TBC1D31: variants seen among roughly 807,000 people sequenced by gnomAD.
The protein encoded by TBC1D31 is TBC1 domain family member 31, also known as WD repeat domain 67.
Under a neutral mutation model 132.9 loss-of-function variants are expected in TBC1D31, and 99 were observed. The ratio of observed to expected loss-of-function variants is 0.74; its 90% CI spans 0.63 to 0.88. The LOEUF is 0.88. Among genes scored for constraint, TBC1D31 ranks in the 40% least tolerant of loss-of-function variants. The probability of loss-of-function intolerance (pLI) is 0.00; values close to 1 mark genes in which losing one functional copy is unlikely to be tolerated. For synonymous variants in TBC1D31, 385 were observed against 419.4 expected (o/e 0.92, Z 1.00); for missense variants, 1,134 against 1,256.6 (o/e 0.90, Z 1.48).
At chr8:123,078,974 C>A (rs980180004) in intron 2 of TBC1D31, among the ~76,000 whole-genome samples, 3 of 152,114 alleles carry the variant, frequency 2.0e-5, no homozygotes, top group Non-Finnish European at 4.4e-5. Flanking sequence ...ATTTGTGTGC[C>A]ACCTGATAGG....
At chr8:123,130,413 T>C in intron 16 of TBC1D31, 80 bp downstream of exon 16, 1 of 1,341,998 alleles carries the variant, frequency 7.5e-7, no homozygotes. Flanking sequence ...TCAAATTAAA[T>C]AATATTCTTA....
chr8:123,144,991 A>G (rs147746366), intron 20 of TBC1D31, 136 bp downstream of exon 20: 14,341 of 790,552 alleles, frequency 0.018, 193 homozygotes, highest in Middle Eastern at 0.026. Context: ...TGATGCAATC[A>G]TGGCTCAGTG....
chr8:123,131,030 C>T (rs1820567250), intron 16 of TBC1D31, among the ~76,000 whole-genome samples: 1 of 151,992 alleles, frequency 6.6e-6, no homozygotes, highest in African/African-American at 2.4e-5. Context: ...TTGACCTTCT[C>T]CATTAGTTCT....
chr8:123,109,764 C>T, intron 10 of TBC1D31, 144 bp downstream of exon 10: 1 of 707,942 alleles, frequency 1.4e-6, no homozygotes, highest in Non-Finnish European at 2.3e-6. Context: ...AATGTACATG[C>T]ACATATATTA....
chr8:123,143,506 G>A (rs544504643), intron 19 of TBC1D31, among the ~76,000 whole-genome samples: 1 of 152,256 alleles, frequency 6.6e-6, no homozygotes, highest in Admixed American at 6.5e-5. Flanking sequence ...AGGTACCATA[G>A]ACTTTCCTAA....
intron 10 of TBC1D31, among the ~76,000 whole-genome samples, chr8:123,116,197 G>T (rs1167132507): frequency 6.6e-6 from 1 of 152,034 alleles, no homozygotes; most frequent in Non-Finnish European, 1.5e-5. Context: ...GAAAAGATAG[G>T]TTATTTAGTA....
chr8:123,154,494 C>G (rs2131006693), downstream of TBC1D31, among the ~76,000 whole-genome samples: 6 of 152,242 alleles, frequency 3.9e-5, no homozygotes, highest in East Asian at 1.2e-3. Flanking sequence ...CCCCAGGCAG[C>G]AGGAAACAAA....
chr8:123,128,485 A>T lies in TBC1D31; in HGVS notation c.2089A>T (p.Asn697Tyr), dbSNP rs1230697488. ...AACACAGGAACGAGAAAGAATAAGGAATGATGAATTGGATTACTTAAGAGA... is the reference window on the plus strand; with the variant it reads ...AACACAGGAACGAGAAAGAATAAGGTATGATGAATTGGATTACTTAAGAGA... The part of the protein sequence containing the change: ...YQTQERERIR[N>Y]DELDYLRERQ... The change falls in exon 14 of 22, where the codon AAT becomes TAT. Residue 697 changes from asparagine to tyrosine, a missense_variant. Physicochemically the swap from Asn to Tyr is moderately radical, Grantham distance 143. Coordinates refer to ENST00000287380, the MANE Select transcript of TBC1D31 (RefSeq NM_145647.4). 6.2e-7 allele frequency: 1 copy of T among 1,611,332 alleles called. No individual in the cohort carries two copies. The highest frequency in any genetic ancestry group is 1.3e-5 in the African/African-American group (1 of 74,852).
intron 10 of TBC1D31, among the ~76,000 whole-genome samples, chr8:123,117,623 C>T (rs182235684): frequency 0.015 from 2,278 of 150,694 alleles, 43 homozygotes; most frequent in African/African-American, 0.052. Flanking sequence ...CATGGTGGCG[C>T]GCGCCTGTAG....
intron 8 of TBC1D31, among the ~76,000 whole-genome samples, chr8:123,106,334 C>T (rs1336709982): frequency 6.6e-6 from 1 of 152,184 alleles, no homozygotes; most frequent in African/African-American, 2.4e-5. Flanking sequence ...TCAGTAGCCT[C>T]TTGGTTATCA....
chr8:123,160,447 T>C, the TBC1D31 span, among the ~76,000 whole-genome samples: 3 of 80,010 alleles, frequency 3.7e-5, no homozygotes, highest in Non-Finnish European at 7.8e-5. Flanking sequence ...AGAAGGGAAG[T>C]TGGGGAGGAG....
downstream of TBC1D31, among the ~76,000 whole-genome samples, chr8:123,154,020 A>T (rs914912339): frequency 1.3e-5 from 2 of 152,220 alleles, no homozygotes; most frequent in Non-Finnish European, 2.9e-5. Context: ...ATTTATTTAC[A>T]TTCATAGAGT....
chr8:123,132,035 A>G (rs924431366), intron 16 of TBC1D31, among the ~76,000 whole-genome samples: 9 of 152,184 alleles, frequency 5.9e-5, no homozygotes, highest in African/African-American at 2.2e-4. Flanking sequence ...AATTGTCCCA[A>G]CACCATTTGT....
At position 123,099,437 on chromosome 8, in the gene TBC1D31, A is replaced by AT. The variant is rs1295344085; in HGVS notation, c.832-1365dup. 3.3e-5 allele frequency among the ~76,000 whole-genome samples: 5 copies of AT among 152,176 alleles called. No individual in the cohort carries two copies. The East Asian group carries it at 9.7e-4, about 29-fold the overall frequency. ...GCCCAGCCTTTATTACATGTTCTTA[A>AT]TTTTTGAAATTATGAGTTAAAATTT... On this transcript the variant is annotated intron_variant, in intron 6 of 21. Coordinates refer to ENST00000287380, the MANE Select transcript of TBC1D31 (RefSeq NM_145647.4).
chr8:123,104,890 A>G (rs548540652), intron 7 of TBC1D31, among the ~76,000 whole-genome samples: 1 of 152,202 alleles, frequency 6.6e-6, no homozygotes, highest in Non-Finnish European at 1.5e-5. Context: ...ACTTGACCCC[A>G]AAGAATATTA....
chr8:123,162,012 C>T, the TBC1D31 span, among the ~76,000 whole-genome samples: 8 of 109,622 alleles, frequency 7.3e-5, no homozygotes, highest in South Asian at 9.8e-4. Flanking sequence ...CGTGAGAGTC[C>T]GACTCAAAAA....
downstream of TBC1D31, among the ~76,000 whole-genome samples, chr8:123,156,311 C>T (rs1586758773): frequency 1.3e-5 from 2 of 151,968 alleles, no homozygotes; most frequent in South Asian, 2.1e-4. Context: ...TGTAGTGGTA[C>T]GTGCCTGTAG....
chr8:123,098,726 C>A (rs778084727), intron 6 of TBC1D31, among the ~76,000 whole-genome samples: 6 of 152,166 alleles, frequency 3.9e-5, no homozygotes, highest in Non-Finnish European at 7.4e-5. Context: ...TTTTCTGTTA[C>A]AAATAATGCT....
At chr8:123,135,130 G>T (rs771563041) in intron 17 of TBC1D31, among the ~76,000 whole-genome samples, 13 of 152,096 alleles carry the variant, frequency 8.5e-5, no homozygotes, top group Non-Finnish European at 1.9e-4. Flanking sequence ...AAACTCCTGG[G>T]CTCAAGCAAT....
Sources: allele counts gnomAD v4.1 joint callset (sites outside exome capture counted in the v4.1 genomes callset), GRCh38; gene constraint gnomAD v4.1.1; transcripts MANE v1.5; gene names NCBI Gene and HGNC (gene_info 2026-07-23, HGNC 2026-07-21).